The following SYT9 variants were observed in gnomAD, a reference collection of about 807,000 sequenced individuals.
SYT9 encodes the protein synaptotagmin-9.
SYT9 carries 22 observed loss-of-function variants against 48.4 expected under a neutral mutation model. The observed-to-expected ratio is 0.45, with a 90% CI of 0.32 to 0.65. The LOEUF (loss-of-function observed/expected upper bound fraction) is 0.65, where lower values mean the gene tolerates loss of function less well. Among genes scored for constraint, SYT9 ranks in the 30% least tolerant of loss-of-function variants. SYT9 has a pLI of 0.03. For missense variants in SYT9, 577 were observed against 622.0 expected, an observed-to-expected ratio of 0.93 and a Z score of 0.77; for synonymous variants, 265 against 245.0, an observed-to-expected ratio of 1.08 and a Z score of -0.76.
intron 6 of SYT9, among the ~76,000 whole-genome samples, chr11:7,445,202 T>C (rs1409645658): frequency 6.6e-6 from 1 of 152,242 alleles, no homozygotes; most frequent in African/African-American, 2.4e-5. Flanking sequence ...CATCTGGAAC[T>C]TAATGGATGC....
rs1275986211 is a variant in SYT9 at position 7,252,145 on chromosome 11, TGCGCCCGCCTGCCCGGC to T, written c.-38_-22del. 6.5e-6 allele frequency: 9 copies of T among 1,379,018 alleles called. No homozygotes were observed. The East Asian group carries it at 9.2e-5, about 14-fold the overall frequency. The allele number at this position is 1,379,018 out of a possible 1,614,324, so 85.4% of individuals were successfully genotyped here. ...AGCTGGCAGGCGGAGGGCTGTCTCC[TGCGCCCGCCTGCCCGGC>T]GCGGTCCGAGGATGCGGGGGGGCGA... On this transcript the variant is annotated 5_prime_UTR_variant, in exon 1 of 7. Coordinates refer to ENST00000318881, the MANE Select transcript of SYT9 (RefSeq NM_175733.4). This position sits in a 1 kb window ranked among gnomAD's most constrained non-coding sequence, Gnocchi z 6.3.
intron 3 of SYT9, among the ~76,000 whole-genome samples, chr11:7,354,356 T>A (rs1849976904): frequency 6.6e-6 from 1 of 152,220 alleles, no homozygotes; most frequent in African/African-American, 2.4e-5. Context: ...ATGAAACTTA[T>A]CTATAGACAA....
intron 3 of SYT9, among the ~76,000 whole-genome samples, chr11:7,375,181 T>C (rs1850430395): frequency 1.3e-5 from 2 of 152,198 alleles, no homozygotes; most frequent in Admixed American, 1.3e-4. Flanking sequence ...AGGGAATCCT[T>C]TCCCCATTAC....
chr11:7,283,551 C>T (rs1341434504), intron 1 of SYT9, among the ~76,000 whole-genome samples: 1 of 152,054 alleles, frequency 6.6e-6, no homozygotes, highest in African/African-American at 2.4e-5. Flanking sequence ...GTCAAAAGCT[C>T]AGTTAATGTT....
At chr11:7,411,619 A>C (rs1330021169) in intron 3 of SYT9, among the ~76,000 whole-genome samples, 1 of 152,100 alleles carries the variant, frequency 6.6e-6, no homozygotes, top group South Asian at 2.1e-4. Context: ...AGGTGACTAG[A>C]CACTTTTGTC....
intron 6 of SYT9, among the ~76,000 whole-genome samples, chr11:7,465,277 ACAAT>A (rs974911262): frequency 6.6e-6 from 1 of 152,208 alleles, no homozygotes; most frequent in African/African-American, 2.4e-5. Flanking sequence ...GCCACGGGTC[ACAAT>A]CAAACGTGGT....
intron 3 of SYT9, among the ~76,000 whole-genome samples, chr11:7,410,916 G>A (rs551337677): frequency 3.9e-5 from 6 of 151,988 alleles, no homozygotes; most frequent in South Asian, 2.1e-4. Context: ...GCGCAATGGC[G>A]CAGTCCCAGC....
intron 6 of SYT9, among the ~76,000 whole-genome samples, chr11:7,464,234 A>C (rs1349586168): frequency 6.6e-6 from 1 of 152,244 alleles, no homozygotes; most frequent in African/African-American, 2.4e-5. Context: ...TGGGATAAGC[A>C]GCTAGGAAAC....
intron 3 of SYT9, among the ~76,000 whole-genome samples, chr11:7,353,757 AT>A (rs1339846723): frequency 6.6e-6 from 1 of 152,208 alleles, no homozygotes; most frequent in African/African-American, 2.4e-5. Context: ...TCTCTCCTGA[AT>A]GGGTCCGGAC....
intron 3 of SYT9, among the ~76,000 whole-genome samples, chr11:7,368,075 C>A (rs1300718912): frequency 1.3e-5 from 2 of 152,176 alleles, no homozygotes; most frequent in Non-Finnish European, 2.9e-5. Context: ...TAGTCTGACT[C>A]CAGAGGCCAC....
intron 1 of SYT9, among the ~76,000 whole-genome samples, chr11:7,283,831 G>A (rs7938485): frequency 6.6e-6 from 1 of 152,066 alleles, no homozygotes; most frequent in Non-Finnish European, 1.5e-5. Flanking sequence ...TTAGGAACTC[G>A]AATGTGGAGC....
chr11:7,346,895 A>G (rs922371650), intron 3 of SYT9, among the ~76,000 whole-genome samples: 2 of 152,122 alleles, frequency 1.3e-5, no homozygotes, highest in Non-Finnish European at 2.9e-5. Context: ...TTCACTTGCA[A>G]TTTTTATATG....
intron 3 of SYT9, among the ~76,000 whole-genome samples, chr11:7,369,235 A>G (rs11605260): frequency 0.29 from 41,405 of 143,372 alleles, 6,492 homozygotes; most frequent in East Asian, 0.63. Context: ...AATGATGATG[A>G]GCTTTTTTTC....
chr11:7,365,541 G>A (rs1564877951), intron 3 of SYT9, among the ~76,000 whole-genome samples: 1 of 152,084 alleles, frequency 6.6e-6, no homozygotes, highest in Non-Finnish European at 1.5e-5. Context: ...TGTTTCGTTT[G>A]TCTTTGCTCA....
chr11:7,409,503 G>A (rs538098170), intron 3 of SYT9, among the ~76,000 whole-genome samples: 6 of 152,002 alleles, frequency 3.9e-5, no homozygotes, highest in Non-Finnish European at 7.4e-5. Context: ...CCAGTAGTTG[G>A]GTTTTCTTTC....
At chr11:7,454,402 C>G (rs1260299095) in intron 6 of SYT9, 1 of 693,534 alleles carries the variant, frequency 1.4e-6, no homozygotes, top group African/African-American at 1.9e-5. Context: ...CAGCCACCAT[C>G]TTCTCCCTGC....
chr11:7,286,756 T>C (rs1393871774), intron 1 of SYT9, among the ~76,000 whole-genome samples: 1 of 152,204 alleles, frequency 6.6e-6, no homozygotes, highest in African/African-American at 2.4e-5. Context: ...AGGGGCAAAA[T>C]GCTGCCAGTC....
chr11:7,453,992 G>A (rs80002231), intron 6 of SYT9: 123,173 of 983,614 alleles, frequency 0.13, 8,107 homozygotes, highest in Middle Eastern at 0.24. Context: ...GTCTCCTCTT[G>A]TTTGACAGGC....
At chr11:7,240,039 G>A (rs1847725319) in intron 1 of SYT9, among the ~76,000 whole-genome samples, 1 of 152,160 alleles carries the variant, frequency 6.6e-6, no homozygotes, top group Non-Finnish European at 1.5e-5. Context: ...GACAAGGGTA[G>A]CAAGGGAGGA....
Sources: gnomAD v4.1 joint callset for allele counts (sites outside exome capture counted in the v4.1 genomes callset) on GRCh38, gnomAD v4.1.1 for gene constraint, Gnocchi (gnomAD v3.1) non-coding constraint, MANE v1.5 for transcripts, NCBI Gene and HGNC (gene_info 2026-07-23, HGNC 2026-07-21) for gene names.